C4orf51: variants seen among roughly 807,000 people sequenced by gnomAD.
C4orf51 encodes the protein chromosome 4 open reading frame 51.
In C4orf51, 25 loss-of-function variants were observed where a neutral mutation model predicts 25.2. That is an observed-to-expected ratio of 0.99 (90% CI 0.72 to 1.39). The LOEUF is 1.39. Among genes scored for constraint, C4orf51 ranks in the 40% most tolerant of loss-of-function variants. C4orf51 has a pLI of 0.00. For missense variants in C4orf51, 252 were observed against 239.6 expected (o/e 1.05, Z -0.34); for synonymous variants, 100 against 84.5 (o/e 1.18, Z -1.01).
At chr4:145,784,094 A>C in the C4orf51 span, among the ~76,000 whole-genome samples, 2 of 152,110 alleles carry the variant, frequency 1.3e-5, no homozygotes, top group African/African-American at 2.4e-5. Flanking sequence ...ACTTTCCACT[A>C]TGATGGAAAG....
At chr4:145,697,733 C>T (rs1318460446) in intron 2 of C4orf51, among the ~76,000 whole-genome samples, 1 of 152,194 alleles carries the variant, frequency 6.6e-6, no homozygotes, top group Non-Finnish European at 1.5e-5. Context: ...GTATTATATA[C>T]CACATTCTCT....
chr4:145,760,176 G>GT, intron 1 of C4orf51: 1 of 152,228 alleles, frequency 6.6e-6, no homozygotes, highest in Non-Finnish European at 1.5e-5. Context: ...CTACCACTCT[G>GT]TAGCCATCAA....
rs767369875 is a variant in C4orf51 at position 145,726,911 on chromosome 4, G to T, written c.308G>T (p.Gly103Val). The T allele has an allele frequency of 1.9e-5, 31 of 1,611,998 alleles. No homozygotes were observed. Among genetic ancestry groups the T allele is most frequent in the Non-Finnish European group, 2.5e-5 (30 of 1,178,484 alleles). Residue 103 changes from glycine (G) to valine (V), a missense_variant and splice_region_variant, in exon 3 of 6, where the codon GGA becomes GTA. Gly to Val is a moderately radical substitution (Grantham distance 109). Coordinates refer to ENST00000438731, the MANE Select transcript of C4orf51 (RefSeq NM_001080531.3). ...ATTTTCCCTCTTCATGTGCATGCAG[G>T]ACTATTCCCTGATATAACCAGGCCC... ...AGTQETTDIK[G>V]LFPDITRPFK... is the part of the protein sequence containing the mutation.
chr4:145,789,464 A>T, the C4orf51 span, among the ~76,000 whole-genome samples: 1 of 152,250 alleles, frequency 6.6e-6, no homozygotes, highest in Non-Finnish European at 1.5e-5. Flanking sequence ...TGCATTAGTC[A>T]CTATATGATG....
At chr4:145,704,367 C>G (rs1393949737) in intron 2 of C4orf51, among the ~76,000 whole-genome samples, 3 of 152,146 alleles carry the variant, frequency 2.0e-5, no homozygotes, top group Admixed American at 2.0e-4. Context: ...TGCAAATTTC[C>G]CCCACTTAGA....
At chr4:145,701,800 CTT>C (rs1044973887) in intron 2 of C4orf51, among the ~76,000 whole-genome samples, 1 of 152,040 alleles carries the variant, frequency 6.6e-6, no homozygotes, top group African/African-American at 2.4e-5. Flanking sequence ...GGACAACACT[CTT>C]TTATGCACTC....
chr4:145,750,085 G>A (rs535944972), intron 1 of C4orf51, among the ~76,000 whole-genome samples: 2 of 152,116 alleles, frequency 1.3e-5, no homozygotes, highest in East Asian at 3.9e-4. Context: ...TATTATCTAT[G>A]TCTTGAAAAG....
At chr4:145,770,343 TAAATAAAATAGATC>T (rs1736079413) in intron 1 of C4orf51, among the ~76,000 whole-genome samples, 1 of 55,506 alleles carries the variant, frequency 1.8e-5, no homozygotes, top group Non-Finnish European at 6.3e-5. Context: ...AATAAATAAA[TAAATAAAATAGATC>T]AGAACATGTG....
intron 1 of C4orf51, among the ~76,000 whole-genome samples, chr4:145,745,021 T>G (rs1733295772): frequency 1.3e-5 from 2 of 152,336 alleles, no homozygotes; most frequent in East Asian, 3.9e-4. Flanking sequence ...TACATTTTCA[T>G]CAATCTGTTT....
chr4:145,786,913 T>A, the C4orf51 span, among the ~76,000 whole-genome samples: 1 of 152,218 alleles, frequency 6.6e-6, no homozygotes, highest in Non-Finnish European at 1.5e-5. Flanking sequence ...GTCACAGCTG[T>A]ACTGGAACAG....
intron 1 of C4orf51, among the ~76,000 whole-genome samples, chr4:145,681,771 C>T (rs906276478): frequency 2.0e-5 from 3 of 152,164 alleles, no homozygotes; most frequent in African/African-American, 7.2e-5. Context: ...GCTTTATAAA[C>T]AGCCTCCTCT....
At chr4:145,702,451 C>T (rs1192194476) in intron 2 of C4orf51, among the ~76,000 whole-genome samples, 1 of 152,124 alleles carries the variant, frequency 6.6e-6, no homozygotes, top group African/African-American at 2.4e-5. Context: ...GCTGTACTGC[C>T]GCAAGGCTTC....
At chr4:145,770,126 A>C (rs1295474320) in intron 1 of C4orf51, among the ~76,000 whole-genome samples, 1 of 152,016 alleles carries the variant, frequency 6.6e-6, no homozygotes, top group African/African-American at 2.4e-5. Context: ...GCAAAACCCC[A>C]TCTCTACTAA....
intron 3 of C4orf51, among the ~76,000 whole-genome samples, 197 bp downstream of exon 3, chr4:145,727,166 T>C (rs537404428): frequency 6.6e-6 from 1 of 152,356 alleles, no homozygotes; most frequent in Admixed American, 6.5e-5. Context: ...AGGTTACGAA[T>C]TGTGAACAAC....
rs187019445 is a variant in C4orf51, at chr4:145,749,824, C to T, written n.168-4383C>T. On this transcript the variant is annotated intron_variant and non_coding_transcript_variant, in intron 1 of 1. Transcript: ENST00000508981. The stretch of plus-strand genomic sequence containing the variant: ...AATTTTTTGTTATTTTTAGTAGAGA[C>T]GGGGTTTCACTGTGTTAGCCAGGAT... Among the ~76,000 whole-genome samples, 135 of 151,934 alleles carry T rather than the reference C, an allele frequency of 8.9e-4. 1 individual carries two copies. Among genetic ancestry groups the T allele is most frequent in the African/African-American group, 3.1e-3 (130 of 41,444 alleles).
intron 1 of C4orf51, among the ~76,000 whole-genome samples, chr4:145,766,709 T>C (rs2126878758): frequency 6.6e-6 from 1 of 152,212 alleles, no homozygotes; most frequent in Admixed American, 6.5e-5. Flanking sequence ...CTACCCATAG[T>C]TGGAGGGGGA....
chr4:145,722,611 T>C (rs1266842635), intron 2 of C4orf51, among the ~76,000 whole-genome samples: 2 of 152,222 alleles, frequency 1.3e-5, no homozygotes, highest in Admixed American at 1.3e-4. Context: ...ATACCTTATA[T>C]TTTTGAGACA....
chr4:145,777,907 C>T, the C4orf51 span, among the ~76,000 whole-genome samples: 1 of 151,896 alleles, frequency 6.6e-6, no homozygotes, highest in African/African-American at 2.4e-5. Flanking sequence ...TTATTTTCTC[C>T]CTTTTTCTTT....
intron 2 of C4orf51, among the ~76,000 whole-genome samples, chr4:145,720,422 C>T (rs1012329857): frequency 1.3e-5 from 2 of 152,152 alleles, no homozygotes; most frequent in African/African-American, 4.8e-5. Flanking sequence ...GAAAACCCCC[C>T]ACCTACACTC....
Sources: gnomAD v4.1 joint callset for allele counts (sites outside exome capture counted in the v4.1 genomes callset) on GRCh38, gnomAD v4.1.1 for gene constraint, MANE v1.5 for transcripts, NCBI Gene and HGNC (gene_info 2026-07-23, HGNC 2026-07-21) for gene names.